MZT2A: variants seen among roughly 807,000 people sequenced by gnomAD.
MZT2A encodes the protein mitotic-spindle organizing protein 2A.
Under a neutral mutation model 12.4 loss-of-function variants are expected in MZT2A, and 8 were observed. The ratio of observed to expected loss-of-function variants is 0.64; its 90% CI spans 0.38 to 1.16. MZT2A has a LOEUF of 1.16. Among genes scored for constraint, MZT2A ranks in the 50% most tolerant of loss-of-function variants. MZT2A has a pLI of 0.01. For missense variants in MZT2A, 181 were observed against 223.6 expected (o/e 0.81, Z 1.22); for synonymous variants, 88 against 107.5 (o/e 0.82, Z 1.12).
At chr2:131,489,201 CTT>C (rs397873005) in intron 2 of MZT2A, among the ~76,000 whole-genome samples, 8 of 145,550 alleles carry the variant, frequency 5.5e-5, no homozygotes, top group Admixed American at 6.8e-5. Context: ...CCTTTCTTTT[CTT>C]TTTTTTTTTT....
chr2:131,488,836 C>T (rs60415628), intron 2 of MZT2A, among the ~76,000 whole-genome samples: 14,300 of 152,132 alleles, frequency 0.094, 800 homozygotes, highest in African/African-American at 0.15. Flanking sequence ...ACACAGCCCT[C>T]GAGAAACAAA....
At chr2:131,490,538 C>T (rs1421321482) in intron 2 of MZT2A, 3 of 1,473,680 alleles carry the variant, frequency 2.0e-6, no homozygotes, top group Non-Finnish European at 2.7e-6. Flanking sequence ...ACTGCCACAC[C>T]ATGTCTCTAA....
intron 2 of MZT2A, among the ~76,000 whole-genome samples, chr2:131,485,054 T>TACAAACG (rs1679002055): frequency 6.6e-6 from 1 of 152,184 alleles, no homozygotes. Flanking sequence ...CCCTCCAAGG[T>TACAAACG]ACAAACGTGC....
At chr2:131,474,580 T>G (rs1048758629) in intron 2 of MZT2A, among the ~76,000 whole-genome samples, 1 of 151,670 alleles carries the variant, frequency 6.6e-6, no homozygotes, top group African/African-American at 2.4e-5. Flanking sequence ...TGGCTAATTT[T>G]TGTATTTTTA....
chr2:131,478,057 C>G, intron 2 of MZT2A: 1 of 1,446,722 alleles, frequency 6.9e-7, no homozygotes, highest in South Asian at 1.4e-5. Flanking sequence ...TGTGAAAGCG[C>G]CAGATACTGA....
intron 2 of MZT2A, among the ~76,000 whole-genome samples, chr2:131,477,221 A>G (rs1678704528): frequency 6.6e-6 from 1 of 151,442 alleles, no homozygotes; most frequent in Non-Finnish European, 1.5e-5. Flanking sequence ...GATTTTTCAT[A>G]GGGACAGGGA....
chr2:131,481,778 G>C (rs1478384129), downstream of MZT2A, among the ~76,000 whole-genome samples: 1 of 152,190 alleles, frequency 6.6e-6, no homozygotes, highest in Non-Finnish European at 1.5e-5. Context: ...ATGTTGGCCA[G>C]GCTGGTCTCA....
chr2:131,490,056 A>G, intron 2 of MZT2A: 2 of 895,408 alleles, frequency 2.2e-6, no homozygotes, highest in Non-Finnish European at 2.7e-6. Context: ...CCTGTCCTTC[A>G]GGCCCTCTCC....
At chr2:131,492,924 C>A (rs891533990), upstream of MZT2A, 57 of 1,521,650 alleles carry the variant, frequency 3.7e-5, no homozygotes, top group Middle Eastern at 1.8e-4. Flanking sequence ...CTCCCTCCCC[C>A]CGCACTCCTG....
intron 2 of MZT2A, among the ~76,000 whole-genome samples, chr2:131,489,187 TTTTCC>T (rs1256799556): frequency 1.4e-3 from 217 of 151,960 alleles, no homozygotes; most frequent in African/African-American, 4.1e-3. Flanking sequence ...GTGGTTTTTC[TTTTCC>T]TTTCTTTTCT....
upstream of MZT2A, chr2:131,492,498 G>C (rs1038526867): frequency 3.5e-6 from 4 of 1,130,010 alleles, no homozygotes; most frequent in Admixed American, 9.9e-5. Flanking sequence ...AGCGGCGGGA[G>C]CGCGGGGACG....
chr2:131,483,824 C>G (rs771960613), downstream of MZT2A: 177 of 920,770 alleles, frequency 1.9e-4, 2 homozygotes, highest in Middle Eastern at 1.9e-3. Flanking sequence ...TTCCTCAGAA[C>G]CCAAATCAGG....
At chr2:131,480,835 GATTATCCCT>G, downstream of MZT2A, 1 of 1,537,302 alleles carries the variant, frequency 6.5e-7, no homozygotes, top group Non-Finnish European at 8.8e-7. Flanking sequence ...CCTTTGGGGA[GATTATCCCT>G]GTTCCATGGG....
intron 2 of MZT2A, among the ~76,000 whole-genome samples, chr2:131,487,656 AT>A (rs1215048501): frequency 1.3e-5 from 2 of 152,188 alleles, no homozygotes; most frequent in African/African-American, 4.8e-5. Flanking sequence ...GGGTCTTGCT[AT>A]GTTGCCCAGG....
upstream of MZT2A, chr2:131,492,570 G>T: frequency 1.7e-6 from 2 of 1,179,066 alleles, no homozygotes; most frequent in Non-Finnish European, 2.1e-6. Context: ...TGTGCTGAGC[G>T]GCGCGCTAGG....
chr2:131,473,279 T>A (rs1157454038), intron 2 of MZT2A, among the ~76,000 whole-genome samples: 1 of 152,050 alleles, frequency 6.6e-6, no homozygotes, highest in Non-Finnish European at 1.5e-5. Flanking sequence ...CCTCTGATTT[T>A]CCCGGCTGTC....
At chr2:131,486,882 G>A (rs1679072067) in intron 2 of MZT2A, among the ~76,000 whole-genome samples, 1 of 152,114 alleles carries the variant, frequency 6.6e-6, no homozygotes, top group Non-Finnish European at 1.5e-5. Flanking sequence ...AGAAAATCCT[G>A]GAAATCTTCA....
chr2:131,475,962 C>T, intron 2 of MZT2A: 1 of 744,828 alleles, frequency 1.3e-6, no homozygotes, highest in East Asian at 2.8e-5. Flanking sequence ...GCTGCCTTCC[C>T]GCCAATCCTA....
intron 3 of MZT2A, among the ~76,000 whole-genome samples, chr2:131,471,603 G>A (rs1240097059): frequency 4.0e-5 from 6 of 151,210 alleles, no homozygotes; most frequent in Non-Finnish European, 8.8e-5. Flanking sequence ...GTCCTCTTTT[G>A]CAGTTCCCTG....
Sources: gnomAD v4.1 joint callset for allele counts (sites outside exome capture counted in the v4.1 genomes callset) on GRCh38, gnomAD v4.1.1 for gene constraint, MANE v1.5 for transcripts, NCBI Gene and HGNC (gene_info 2026-07-23, HGNC 2026-07-21) for gene names.